Variants in SUPT3H observed in about 807,000 individuals in gnomAD.
The protein encoded by SUPT3H is transcription initiation protein SPT3 homolog.
A neutral mutation model predicts 44.3 loss-of-function variants in SUPT3H; 44 were observed. The ratio of observed to expected loss-of-function variants is 0.99; its 90% CI spans 0.78 to 1.28. The LOEUF (loss-of-function observed/expected upper bound fraction) is 1.28. SUPT3H is among the 50% of genes most tolerant of loss of function. The pLI is 0.00. For missense variants in SUPT3H, 380 were observed against 387.1 expected (o/e 0.98, Z 0.15); for synonymous variants, 124 against 125.6 (o/e 0.99, Z 0.09).
chr6:45,060,766 C>A (rs990426483), intron 3 of SUPT3H, among the ~76,000 whole-genome samples: 2 of 152,042 alleles, frequency 1.3e-5, no homozygotes, highest in African/African-American at 4.8e-5. Context: ...AAATACACAA[C>A]CCCATTAAAA....
chr6:45,159,614 G>C (rs1450352952), intron 2 of SUPT3H: 1 of 152,096 alleles, frequency 6.6e-6, no homozygotes, highest in African/African-American at 2.4e-5. Context: ...CAGAGATCCT[G>C]TTTTAAATAA....
intron 2 of SUPT3H, among the ~76,000 whole-genome samples, chr6:45,233,238 C>T (rs763879148): frequency 4.6e-5 from 7 of 152,194 alleles, no homozygotes; most frequent in African/African-American, 1.4e-4. Flanking sequence ...GTCCAGCCAG[C>T]GCTGTGCTGC....
chr6:45,064,475 T>C (rs1323101012), intron 3 of SUPT3H, among the ~76,000 whole-genome samples: 1 of 133,020 alleles, frequency 7.5e-6, no homozygotes, highest in African/African-American at 3.0e-5. Context: ...ACTTTAAATG[T>C]AAATGGACTA....
At chr6:45,216,844 T>C (rs1349868469) in intron 2 of SUPT3H, among the ~76,000 whole-genome samples, 2 of 152,098 alleles carry the variant, frequency 1.3e-5, no homozygotes, top group Admixed American at 1.3e-4. Context: ...CTCCAATACA[T>C]GTATGAGCCT....
intron 2 of SUPT3H, among the ~76,000 whole-genome samples, chr6:45,158,299 T>TATATATATATATATATAA: frequency 7.5e-5 from 1 of 13,418 alleles, no homozygotes; most frequent in South Asian, 2.3e-3. Flanking sequence ...TATATATATA[T>TATATATATATATATATAA]TTTTTTTTTT....
intron 11 of SUPT3H, among the ~76,000 whole-genome samples, chr6:44,813,706 TAAA>T (rs202023222): frequency 7.2e-6 from 1 of 139,510 alleles, no homozygotes; most frequent in Non-Finnish European, 1.6e-5. Flanking sequence ...ATTAAAAAAA[TAAA>T]AAAAATTTAA....
intron 10 of SUPT3H, among the ~76,000 whole-genome samples, chr6:44,884,063 G>C (rs1778711127): frequency 6.6e-6 from 1 of 152,150 alleles, no homozygotes; most frequent in Non-Finnish European, 1.5e-5. Flanking sequence ...ACTCATCAGA[G>C]TGAACAGACA....
intron 10 of SUPT3H, among the ~76,000 whole-genome samples, chr6:44,921,852 A>G (rs916396483): frequency 3.3e-5 from 5 of 152,172 alleles, no homozygotes; most frequent in South Asian, 2.1e-4. Context: ...GTCAACTCAA[A>G]TACTCCCTCC....
chr6:45,376,130 T>C (rs950660366), intron 1 of SUPT3H, among the ~76,000 whole-genome samples: 1 of 152,254 alleles, frequency 6.6e-6, no homozygotes, highest in Non-Finnish European at 1.5e-5. Flanking sequence ...AATACTGTCA[T>C]AGCTCTCTGA....
At position 45,003,712 on chromosome 6, in the gene SUPT3H, C is replaced by G. The variant is rs747786584; in HGVS notation, c.445G>C (p.Glu149Gln). ...DFLNSIDQTGELLAMFEDDEI... is the reference protein window; with the variant it reads ...DFLNSIDQTGQLLAMFEDDEI... ...TCATCTTCAAACATTGCTAAAAGTT[C>G]TCCTGTCTGGTCAATAGAGTTGAGG... The change falls in exon 6 of 11, where the codon GAA (glutamate) becomes CAA (glutamine). Residue 149 changes from glutamate to glutamine, a missense_variant. By Grantham distance (29) the Glu-to-Gln change is conservative (BLOSUM62 2). Coordinates refer to ENST00000371459, the MANE Select transcript of SUPT3H (RefSeq NM_003599.4). 2 of 1,613,848 alleles carry G rather than the reference C, an allele frequency of 1.2e-6. No homozygotes were observed. Among genetic ancestry groups the G allele is most frequent in the Non-Finnish European group, 1.7e-6 (2 of 1,179,852 alleles).
chr6:45,364,547 A>G (rs1220501341), intron 2 of SUPT3H, among the ~76,000 whole-genome samples: 1 of 104,994 alleles, frequency 9.5e-6, no homozygotes, highest in Non-Finnish European at 1.8e-5. Context: ...AAAAACTACT[A>G]TGTGTCAACA....
At chr6:45,135,847 T>G (rs977079009) in intron 2 of SUPT3H, among the ~76,000 whole-genome samples, 7 of 152,208 alleles carry the variant, frequency 4.6e-5, no homozygotes, top group African/African-American at 1.7e-4. Flanking sequence ...TATAATGGCC[T>G]GAACTCAGAC....
rs1767927687 is a variant in SUPT3H at position 44,827,778 on chromosome 6, A to C, written c.*2038T>G. Among the ~76,000 whole-genome samples, 2 of 152,176 alleles carry C rather than the reference A, an allele frequency of 1.3e-5. No individual in the cohort carries two copies. Among genetic ancestry groups the C allele is most frequent in the Non-Finnish European group, 1.5e-5 (1 of 67,996 alleles). On this transcript the variant is annotated 3_prime_UTR_variant, in exon 11 of 11. Transcript: ENST00000371459. ...ATTATGGGGACATGTAGGCTGGTTC[A>C]GGACAGACATAAATGACCTTGCTTT...
intron 10 of SUPT3H, among the ~76,000 whole-genome samples, chr6:44,862,643 A>C (rs1431245470): frequency 6.7e-6 from 1 of 148,660 alleles, no homozygotes; most frequent in Admixed American, 6.8e-5. Context: ...GCGCCACTGC[A>C]CTCCAGCCTG....
intron 10 of SUPT3H, among the ~76,000 whole-genome samples, chr6:44,856,793 A>G (rs566646027): frequency 6.6e-6 from 1 of 152,232 alleles, no homozygotes; most frequent in African/African-American, 2.4e-5. Context: ...GCAACATGAC[A>G]TAACTTTTAA....
At chr6:44,879,874 T>C (rs910947897) in intron 10 of SUPT3H, among the ~76,000 whole-genome samples, 4 of 151,976 alleles carry the variant, frequency 2.6e-5, no homozygotes, top group African/African-American at 9.7e-5. Flanking sequence ...CACAAAGGAA[T>C]AGCATCAACA....
chr6:44,948,253 A>G (rs573868868), intron 9 of SUPT3H, among the ~76,000 whole-genome samples: 1 of 152,318 alleles, frequency 6.6e-6, no homozygotes, highest in South Asian at 2.1e-4. Flanking sequence ...GATGGATTAA[A>G]GACTTAAATA....
At chr6:45,127,610 T>G (rs983175654) in intron 2 of SUPT3H, among the ~76,000 whole-genome samples, 1 of 152,202 alleles carries the variant, frequency 6.6e-6, no homozygotes, top group Admixed American at 6.5e-5. Flanking sequence ...ATTTATGTTT[T>G]TTTCTTCATG....
intron 3 of SUPT3H, among the ~76,000 whole-genome samples, chr6:45,078,337 C>T (rs903636446): frequency 8.5e-5 from 13 of 152,282 alleles, no homozygotes; most frequent in East Asian, 1.9e-4. Flanking sequence ...TTTCTGTGGC[C>T]TTAATTTACA....
Sources: allele counts gnomAD v4.1 joint callset (sites outside exome capture counted in the v4.1 genomes callset), GRCh38; gene constraint gnomAD v4.1.1; transcripts MANE v1.5; gene names NCBI Gene and HGNC (gene_info 2026-07-23, HGNC 2026-07-21).